The following CSNK1G3 variants were observed in gnomAD, a reference collection of about 807,000 sequenced individuals.
CSNK1G3 encodes the protein casein kinase I isoform gamma-3.
CSNK1G3 carries 23 observed loss-of-function variants against 64.3 expected under a neutral mutation model. That is an observed-to-expected ratio of 0.36 (90% CI 0.26 to 0.51). The LOEUF is 0.51. Ranked by LOEUF, CSNK1G3 falls within the 20% of genes least tolerant of loss-of-function variation. The probability of loss-of-function intolerance (pLI) is 0.96; values close to 1 mark genes in which losing one functional copy is unlikely to be tolerated. For synonymous variants in CSNK1G3, 158 were observed against 162.2 expected, an observed-to-expected ratio of 0.97 and a Z score of 0.20; for missense variants, 357 against 510.5, an observed-to-expected ratio of 0.70 and a Z score of 2.90.
At position 123,517,931 on chromosome 5, in the gene CSNK1G3, G is replaced by GAA. The variant is rs529062252; in HGVS notation, c.-248+5377_-248+5378dup. ...ATTTATTTAATAACATCCTCTTTAA[G>GAA]AAAAAAAAAAAAAAAAAGGAAGATC... On this transcript the variant is annotated intron_variant, in intron 1 of 12. Coordinates refer to ENST00000345990, the Ensembl canonical transcript of CSNK1G3. Among the ~76,000 whole-genome samples, 104 of 106,478 alleles carry GAA rather than the reference G, an allele frequency of 9.8e-4. 1 individual carries two copies. Among genetic ancestry groups the GAA allele is most frequent in the Middle Eastern group, 5.2e-3 (1 of 194 alleles). The allele number at this position is 106,478 out of a possible 152,430, so 69.9% of individuals were successfully genotyped here. A position where few individuals can be genotyped will look rare whatever the true frequency, so the allele number is the denominator to read the frequency against.
At chr5:123,531,827 A>T (rs1461910813) in intron 1 of CSNK1G3, among the ~76,000 whole-genome samples, 1 of 151,952 alleles carries the variant, frequency 6.6e-6, no homozygotes, top group Admixed American at 6.6e-5. Flanking sequence ...TATCTCTTGT[A>T]AAAATAAAAA....
At chr5:123,544,326 A>G (rs1782183825) in intron 1 of CSNK1G3, among the ~76,000 whole-genome samples, 1 of 152,194 alleles carries the variant, frequency 6.6e-6, no homozygotes, top group Non-Finnish European at 1.5e-5. Context: ...CTGTCTTGGT[A>G]AATTCCCTTA....
intron 1 of CSNK1G3, among the ~76,000 whole-genome samples, chr5:123,531,327 GACT>G (rs1346575878): frequency 1.3e-5 from 2 of 151,998 alleles, no homozygotes; most frequent in African/African-American, 2.4e-5. Flanking sequence ...TTAAGACTAA[GACT>G]TAAGACTTAG....
At chr5:123,614,712 A>G (rs1749167368) in exon 13 of CSNK1G3, 2 of 227,220 alleles carry the variant, frequency 8.8e-6, no homozygotes, top group Non-Finnish European at 1.7e-5. Flanking sequence ...CTTCTGTTGT[A>G]GAAAGCAGTA....
At chr5:123,564,408 G>A (rs894068990) in intron 4 of CSNK1G3, among the ~76,000 whole-genome samples, 1 of 151,980 alleles carries the variant, frequency 6.6e-6, no homozygotes, top group Non-Finnish European at 1.5e-5. Context: ...AATTCCTTGT[G>A]TAATAGTAAA....
intron 1 of CSNK1G3, among the ~76,000 whole-genome samples, chr5:123,520,619 T>G (rs968017317): frequency 6.6e-6 from 1 of 152,072 alleles, no homozygotes; most frequent in Non-Finnish European, 1.5e-5. Flanking sequence ...GCAGATTTCT[T>G]TATGTTTAAA....
At chr5:123,588,361 G>A (rs1175866244) in intron 7 of CSNK1G3, 66 bp from the exon 8 acceptor site, 24 of 1,285,706 alleles carry the variant, frequency 1.9e-5, no homozygotes, top group Admixed American at 1.0e-4. Context: ...ACAGGCTACC[G>A]TGTGCAGTCC....
intron 8 of CSNK1G3, 25 bp downstream of exon 8, chr5:123,588,536 C>T (rs763010632): frequency 7.3e-6 from 10 of 1,364,276 alleles, no homozygotes; most frequent in East Asian, 2.3e-5. Context: ...GAGGTTGATA[C>T]ATTATATACA....
chr5:123,616,059 G>T (rs1349304642), exon 13 of CSNK1G3: 11 of 152,168 alleles, frequency 7.2e-5, no homozygotes, highest in Non-Finnish European at 7.4e-5. Flanking sequence ...GTTTATCATT[G>T]TTGCTATGAA....
At chr5:123,562,124 A>AT (rs1561525457) in intron 4 of CSNK1G3, among the ~76,000 whole-genome samples, 1 of 151,826 alleles carries the variant, frequency 6.6e-6, no homozygotes, top group Non-Finnish European at 1.5e-5. Flanking sequence ...AGATCTTACT[A>AT]TTTTCACGTC....
intron 1 of CSNK1G3, among the ~76,000 whole-genome samples, chr5:123,521,400 T>A (rs763450335): frequency 3.8e-4 from 58 of 152,190 alleles, no homozygotes; most frequent in Non-Finnish European, 5.9e-4. Context: ...TGCAAATGTT[T>A]GTAGTTAATA....
chr5:123,592,498 T>A (rs1792562464), intron 10 of CSNK1G3, among the ~76,000 whole-genome samples: 3 of 151,974 alleles, frequency 2.0e-5, no homozygotes, highest in Admixed American at 2.0e-4. Context: ...ATCGAAGACA[T>A]CTTTGACTTA....
intron 6 of CSNK1G3, among the ~76,000 whole-genome samples, chr5:123,586,290 G>A (rs890429354): frequency 1.2e-4 from 18 of 152,164 alleles, no homozygotes; most frequent in African/African-American, 3.9e-4. Flanking sequence ...ATAGGCAAGA[G>A]ACATTTTGGA....
intron 1 of CSNK1G3, among the ~76,000 whole-genome samples, chr5:123,529,802 T>C (rs901297151): frequency 5.9e-5 from 9 of 152,144 alleles, no homozygotes; most frequent in African/African-American, 2.2e-4. Flanking sequence ...TTTGCTTTTC[T>C]GGGTTTAGGT....
At chr5:123,604,737 C>T (rs759339447) in exon 11 of CSNK1G3, 2 of 1,609,034 alleles carry the variant, frequency 1.2e-6, no homozygotes, top group African/African-American at 2.7e-5. Flanking sequence ...GTAAGTTCTA[C>T]AAATGGAGAG....
intron 4 of CSNK1G3, among the ~76,000 whole-genome samples, chr5:123,559,000 G>T (rs868862036): frequency 1.3e-5 from 2 of 152,156 alleles, no homozygotes; most frequent in Admixed American, 1.3e-4. Context: ...CTTCTTAAGA[G>T]ATTCTGGAGG....
intron 1 of CSNK1G3, among the ~76,000 whole-genome samples, chr5:123,524,876 G>GT (rs1778757623): frequency 6.6e-6 from 1 of 152,096 alleles, no homozygotes; most frequent in African/African-American, 2.4e-5. Flanking sequence ...AGGATAATGG[G>GT]TGGGGGGGAG....
intron 11 of CSNK1G3, 88 bp downstream of exon 12, chr5:123,604,918 A>C: frequency 9.3e-7 from 1 of 1,075,400 alleles, no homozygotes; most frequent in South Asian, 1.5e-5. Flanking sequence ...TTATTTCAGG[A>C]AATTTTTTTC....
intron 1 of CSNK1G3, among the ~76,000 whole-genome samples, chr5:123,535,279 C>T (rs753446384): frequency 2.0e-5 from 3 of 152,048 alleles, no homozygotes; most frequent in Non-Finnish European, 4.4e-5. Flanking sequence ...GAAGACTAAA[C>T]TTGGATTTCT....
Sources: gnomAD v4.1 joint callset for allele counts (sites outside exome capture counted in the v4.1 genomes callset) on GRCh38, gnomAD v4.1.1 for gene constraint, MANE v1.5 for transcripts, NCBI Gene and HGNC (gene_info 2026-07-23, HGNC 2026-07-21) for gene names.